RNASEL: variants seen among roughly 807,000 people sequenced by gnomAD.
RNASEL encodes ribonuclease L.
Under a neutral mutation model 50.9 loss-of-function variants are expected in RNASEL, and 36 were observed. That is an observed-to-expected ratio of 0.71 (90% CI 0.54 to 0.93). The LOEUF (loss-of-function observed/expected upper bound fraction) is 0.93, where lower values mean the gene tolerates loss of function less well. Among genes scored for constraint, RNASEL ranks in the 40% least tolerant of loss-of-function variants. The pLI is 0.00. For synonymous variants in RNASEL, 335 were observed against 335.6 expected, an observed-to-expected ratio of 1.00 and a Z score of 0.02; for missense variants, 860 against 894.5, an observed-to-expected ratio of 0.96 and a Z score of 0.49.
At chr1:182,589,143 C>T (rs1404282347) in intron 1 of RNASEL, 24 bp downstream of exon 1, 1 of 152,328 alleles carries the variant, frequency 6.6e-6, no homozygotes, top group Non-Finnish European at 1.5e-5. Context: ...GGTTTTCTAG[C>T]TTTCCTCCTT....
chr1:182,578,665 G>A (rs7513620), intron 5 of RNASEL: 53,996 of 152,070 alleles, frequency 0.36, 9,822 homozygotes, highest in Middle Eastern at 0.46. Context: ...TGTTGGCCAG[G>A]CTGGTCTTAA....
chr1:182,585,613 G>C lies in RNASEL; in HGVS notation c.1194C>G (p.Ser398Arg), dbSNP rs1227685564. The change falls in exon 2 of 7, where the codon AGC becomes AGG. Residue 398 changes from serine to arginine, a missense_variant. By Grantham distance (110) the Ser-to-Arg change is moderately radical. Coordinates refer to ENST00000367559, the MANE Select transcript of RNASEL (RefSeq NM_021133.4). ...AAGAGACTTCCCGCTGTGCACGTGG[G>C]CTGCCCTCACAGAACGTCTTCACAG... ...EVAVKTFCEGSPRAQREVSCL... is the reference protein window; with the variant it reads ...EVAVKTFCEGRPRAQREVSCL... The C allele has an allele frequency of 6.2e-7, 1 of 1,614,200 alleles. No homozygotes were observed. The highest frequency in any genetic ancestry group is 1.6e-4 in the Middle Eastern group (1 of 6,062).
At chr1:182,580,180 G>C (rs1661465396) in intron 5 of RNASEL, among the ~76,000 whole-genome samples, 1 of 152,264 alleles carries the variant, frequency 6.6e-6, no homozygotes, top group Admixed American at 6.5e-5. Flanking sequence ...TAAAATTTTA[G>C]CCAAAGTTTG....
At position 182,576,320 on chromosome 1, in the gene RNASEL, C is replaced by G. The variant is rs563976843; in HGVS notation, c.1975G>C (p.Val659Leu). 1 of 1,610,320 alleles carries G rather than the reference C, an allele frequency of 6.2e-7. No homozygotes were observed. Among genetic ancestry groups the G allele is most frequent in the African/African-American group, 1.3e-5 (1 of 74,962 alleles). ...EKRGNFYQNT[V>L]GDLLKFIRNL... Reference sequence around the variant, plus strand: ...CGGATGAACTTTAGCAGATCACCCACAGTGTTCTGGTAGAAATTGCCTCTT... The same window carrying G: ...CGGATGAACTTTAGCAGATCACCCAGAGTGTTCTGGTAGAAATTGCCTCTT... The change falls in exon 6 of 7, where the codon GTG becomes CTG. Residue 659 changes from valine (V) to leucine (L), a missense_variant. Transcript: ENST00000367559.
chr1:182,581,469 CTTTCTTTTT>C, intron 4 of RNASEL, 112 bp from the exon 5 acceptor site: 1 of 319,232 alleles, frequency 3.1e-6, no homozygotes, highest in Non-Finnish European at 5.4e-6. Flanking sequence ...CTTGGTTTTT[CTTTCTTTTT>C]TTTTTTTTTT....
At chr1:182,583,958 T>G in intron 3 of RNASEL, 123 bp downstream of exon 3, 2 of 775,084 alleles carry the variant, frequency 2.6e-6, no homozygotes, top group Non-Finnish European at 4.6e-6. Flanking sequence ...CAATTCTCCT[T>G]AATAAACTCC....
intron 3 of RNASEL, among the ~76,000 whole-genome samples, chr1:182,583,474 C>T (rs1014816672): frequency 8.5e-5 from 13 of 152,188 alleles, no homozygotes; most frequent in African/African-American, 2.4e-4. Context: ...TGAACTGTGA[C>T]GGTTAATATT....
intron 3 of RNASEL, among the ~76,000 whole-genome samples, chr1:182,583,013 T>C (rs1661524216): frequency 6.6e-6 from 1 of 152,226 alleles, no homozygotes; most frequent in South Asian, 2.1e-4. Context: ...AAGCTGGGAA[T>C]TGACCTCACT....
rs1661373221 is a variant in RNASEL at position 182,576,118 on chromosome 1, TAC to T, written c.2039+136_2039+137del. On this transcript the variant is annotated intron_variant, in intron 6 of 6. Coordinates refer to ENST00000367559, the MANE Select transcript of RNASEL (RefSeq NM_021133.4). ...TGTAAGGCAACAGTGATAGCCCTTT[TAC>T]ACACAGAGGGAAGGAATTACTTTTC... 1.3e-5 allele frequency: 11 copies of T among 823,568 alleles called. 2 individuals carry two copies. In the South Asian group the frequency reaches 1.8e-4, roughly 14 times the overall value. The allele number at this position is 823,568 out of a possible 1,614,324, so 51.0% of individuals were successfully genotyped here.
intron 1 of RNASEL, among the ~76,000 whole-genome samples, chr1:182,587,914 A>G (rs1297235397): frequency 6.6e-6 from 1 of 152,218 alleles, no homozygotes; most frequent in Non-Finnish European, 1.5e-5. Flanking sequence ...ACCACACTTC[A>G]AGTACACATA....
In RNASEL at chr1:182,586,922, A is replaced by G. The variant is rs1408257031; in HGVS notation, c.-116T>C. The stretch of plus-strand genomic sequence containing the variant: ...GTAAATTGGGATTCTCTGGCAACAG[A>G]GCAGCAGTATGAAGAAGGAACAATG... On this transcript the variant is annotated 5_prime_UTR_variant, in exon 2 of 7. Coordinates refer to ENST00000367559, the MANE Select transcript of RNASEL (RefSeq NM_021133.4). 1.3e-5 allele frequency: 17 copies of G among 1,347,032 alleles called. No homozygotes were observed. The East Asian group carries it at 3.9e-4, about 31-fold the overall frequency. The allele number at this position is 1,347,032 out of a possible 1,614,324, so 83.4% of individuals were successfully genotyped here.
intron 5 of RNASEL, among the ~76,000 whole-genome samples, chr1:182,580,333 G>A (rs962852248): frequency 2.0e-5 from 3 of 152,240 alleles, no homozygotes. Context: ...AATTATGAGT[G>A]TGATGTGCAG....
rs192719507 is a variant in RNASEL, at chr1:182,586,675, C to G, written c.132G>C (p.Leu44Phe). 4 of 1,614,094 alleles carry G rather than the reference C, an allele frequency of 2.5e-6. No individual in the cohort carries two copies. In the East Asian group the frequency reaches 8.9e-5, roughly 36 times the overall value. The change falls in exon 2 of 7, where the codon TTG becomes TTC. Residue 44 changes from leucine (L) to phenylalanine (F), a missense_variant. Leu to Phe is a conservative substitution (Grantham distance 22, BLOSUM62 0). Coordinates refer to ENST00000367559, the MANE Select transcript of RNASEL (RefSeq NM_021133.4). ...AATTAACATTGGCTCCACCTTCCAG[C>G]AATTGCTGGACCAGGTCAACATCTT... is the stretch of plus-strand genomic sequence containing the variant. ...QNEDVDLVQQ[L>F]LEGGANVNFQ...
chr1:182,579,697 C>T, intron 5 of RNASEL: 1 of 1,149,316 alleles, frequency 8.7e-7, no homozygotes, highest in South Asian at 1.7e-5. Flanking sequence ...TGAAGACTAT[C>T]AAAATTCAAT....
At chr1:182,580,079 G>A (rs1661462345) in intron 5 of RNASEL, 2 of 409,472 alleles carry the variant, frequency 4.9e-6, no homozygotes, top group South Asian at 1.8e-5. Context: ...AAAGTCTCAA[G>A]AACTATGGCT....
chr1:182,579,610 G>A (rs1449086713), intron 5 of RNASEL: 1 of 1,158,064 alleles, frequency 8.6e-7, no homozygotes, highest in Non-Finnish European at 1.1e-6. Context: ...TTAATTGTGT[G>A]ACCATGAAAA....
intron 5 of RNASEL, chr1:182,580,093 A>C (rs1661462767): frequency 5.0e-6 from 2 of 396,664 alleles, no homozygotes; most frequent in African/African-American, 4.2e-5. Context: ...TATGGCTGCC[A>C]CATAATCATA....
At chr1:182,587,303 A>G (rs1268224721) in intron 1 of RNASEL, among the ~76,000 whole-genome samples, 1 of 152,106 alleles carries the variant, frequency 6.6e-6, no homozygotes, top group African/African-American at 2.4e-5. Flanking sequence ...AGTCTTGTAA[A>G]ACATTTTTCA....
Position 182,574,346 on chromosome 1 carries a change from C to T in RNASEL, c.*1046G>A. ...CTGGGTGCTTGGGAGCCAGAAGGAG[C>T]TCCTAGACTGGGTATGGGAAGTGAG... On this transcript the variant is annotated 3_prime_UTR_variant, in exon 7 of 7. Coordinates refer to ENST00000367559, the MANE Select transcript of RNASEL (RefSeq NM_021133.4). 4.4e-6 allele frequency: 1 copy of T among 227,204 alleles called. No individual in the cohort carries two copies. Among genetic ancestry groups the T allele is most frequent in the Non-Finnish European group, 8.7e-6 (1 of 114,394 alleles). 14.1% of individuals were successfully genotyped at this position (227,204 alleles called of 1,614,324 possible).
Sources: allele counts gnomAD v4.1 joint callset (sites outside exome capture counted in the v4.1 genomes callset), GRCh38; gene constraint gnomAD v4.1.1; transcripts MANE v1.5; gene names NCBI Gene and HGNC (gene_info 2026-07-23, HGNC 2026-07-21).